BROX: variants seen among roughly 807,000 people sequenced by gnomAD.
BROX encodes the protein BRO1 domain and CAAX motif containing.
Under a neutral mutation model 61.0 loss-of-function variants are expected in BROX, and 53 were observed. The ratio of observed to expected loss-of-function variants is 0.87; its 90% CI spans 0.70 to 1.09. BROX has a LOEUF of 1.09. Among genes scored for constraint, BROX ranks in the 50% least tolerant of loss-of-function variants. The pLI, the probability that BROX is intolerant of heterozygous loss-of-function variation, is 0.00. For synonymous variants in BROX, 152 were observed against 160.2 expected, an observed-to-expected ratio of 0.95 and a Z score of 0.38; for missense variants, 489 against 472.0, an observed-to-expected ratio of 1.04 and a Z score of -0.33.
intron 8 of BROX, 36 bp from the exon 9 acceptor site, chr1:222,728,707 C>T (rs755744096): frequency 9.9e-6 from 14 of 1,409,270 alleles, no homozygotes; most frequent in African/African-American, 4.2e-5. Flanking sequence ...TGAATCAGGG[C>T]GAAATTATAT....
chr1:222,713,407 C>A (rs1392216482), intron 1 of BROX: 45 of 984,062 alleles, frequency 4.6e-5, no homozygotes, highest in Non-Finnish European at 5.3e-5. Flanking sequence ...AGCTCGGGGG[C>A]GGCGCTCAGG....
In BROX at chr1:222,722,729, G is replaced by A. The variant is rs187493346; in HGVS notation, c.401+215G>A. On this transcript the variant is annotated intron_variant, in intron 5 of 12. Coordinates refer to ENST00000340934, the MANE Select transcript of BROX (RefSeq NM_144695.4). ...TCATATGGAAGGTCTTGCTAAGTAAGACCCCAAATCAAGAACCCATAAAGT... is the reference window on the plus strand; with the variant it reads ...TCATATGGAAGGTCTTGCTAAGTAAAACCCCAAATCAAGAACCCATAAAGT... Among the ~76,000 whole-genome samples, 140 of 152,182 alleles carry A rather than the reference G, an allele frequency of 9.2e-4. 1 individual carries two copies. Among genetic ancestry groups the A allele is most frequent in the African/African-American group, 2.9e-3 (121 of 41,516 alleles).
chr1:222,714,629 G>A (rs1206111610), intron 1 of BROX, among the ~76,000 whole-genome samples: 1 of 147,452 alleles, frequency 6.8e-6, no homozygotes, highest in East Asian at 2.0e-4. Flanking sequence ...TTGCCCTGTC[G>A]CCCAGGCTGG....
At chr1:222,712,967 T>C in intron 1 of BROX, 25 bp downstream of exon 1, 1 of 1,181,138 alleles carries the variant, frequency 8.5e-7, no homozygotes, top group South Asian at 1.6e-5. Context: ...GGATGGGTGT[T>C]TCTCAGTAAT....
chr1:222,716,550 T>C (rs1015228929), intron 2 of BROX, among the ~76,000 whole-genome samples: 1 of 152,238 alleles, frequency 6.6e-6, no homozygotes, highest in Non-Finnish European at 1.5e-5. Flanking sequence ...AGATCAGGGG[T>C]TGGCGAACTG....
At chr1:222,731,221 T>C in intron 11 of BROX, 136 bp from the exon 12 acceptor site, 1 of 709,752 alleles carries the variant, frequency 1.4e-6, no homozygotes, top group East Asian at 3.3e-5. Flanking sequence ...TTCTTGACTT[T>C]TTCACTTTCC....
At chr1:222,713,480 C>T (rs970510067) in intron 1 of BROX, 137 of 967,550 alleles carry the variant, frequency 1.4e-4, no homozygotes, top group Non-Finnish European at 1.5e-4. Context: ...CGGGAGTCCT[C>T]TTGTGGAAGT....
chr1:222,729,508 G>A lies in BROX; in HGVS notation c.757-112G>A, dbSNP rs544627061. On this transcript the variant is annotated intron_variant, in intron 9 of 12. Coordinates refer to ENST00000340934, the MANE Select transcript of BROX (RefSeq NM_144695.4). ...GGGAAGAGCTAAAATGTAAGGGATTGCATTGATACTTCAGTGTATGAAGGT... is the reference window on the plus strand; with the variant it reads ...GGGAAGAGCTAAAATGTAAGGGATTACATTGATACTTCAGTGTATGAAGGT... The A allele has an allele frequency of 2.2e-5, 15 of 681,156 alleles. No homozygotes were observed. The South Asian group carries it at 2.3e-4, about 11-fold the overall frequency. The allele number at this position is 681,156 out of a possible 1,614,324, so 42.2% of individuals were successfully genotyped here. A position where few individuals can be genotyped will look rare whatever the true frequency, so the allele number is the denominator to read the frequency against.
At position 222,735,022 on chromosome 1, in the gene BROX, T is replaced by C. The variant is rs931078293; in HGVS notation, c.*2308T>C. The C allele has an allele frequency of 6.6e-6, 1 of 152,208 alleles. No homozygotes were observed. Among genetic ancestry groups the C allele is most frequent in the African/African-American group, 2.4e-5 (1 of 41,460 alleles). The allele number at this position is 152,208 out of a possible 1,614,324, so 9.4% of individuals were successfully genotyped here. A position where few individuals can be genotyped will look rare whatever the true frequency, so the allele number is the denominator to read the frequency against. On this transcript the variant is annotated 3_prime_UTR_variant, in exon 13 of 13. Transcript: ENST00000340934. ...TTGAAATGTTGGAAATTTTGGGGAATTATCAAATGTATAGAAGTTGCATGA... is the reference window on the plus strand; with the variant it reads ...TTGAAATGTTGGAAATTTTGGGGAACTATCAAATGTATAGAAGTTGCATGA...
intron 4 of BROX, among the ~76,000 whole-genome samples, chr1:222,720,196 CA>C (rs1656963880): frequency 6.6e-6 from 1 of 152,164 alleles, no homozygotes; most frequent in South Asian, 2.1e-4. Flanking sequence ...TTGTGAGAAG[CA>C]AAATAAGAAA....
At chr1:222,716,176 G>A (rs1052939481) in intron 2 of BROX, among the ~76,000 whole-genome samples, 11 of 152,040 alleles carry the variant, frequency 7.2e-5, no homozygotes, top group African/African-American at 2.7e-4. Context: ...TCGGCTTACT[G>A]CAACCTCCGC....
In BROX at chr1:222,730,169, T is replaced by C; in HGVS notation, c.981T>C (p.Asn327=). 2 of 1,601,626 alleles carry C rather than the reference T, an allele frequency of 1.2e-6. No homozygotes were observed. The highest frequency in any genetic ancestry group is 2.7e-5 in the African/African-American group (2 of 74,490). ...KNTLEKCQRE[N]GFIYFQKIPT... is the part of the protein sequence containing the mutation. ...CCCTAGAAAAATGTCAGAGAGAAAA[T>C]GGATTTATGTGAGTACAGTTTAATA... is the stretch of plus-strand genomic sequence containing the variant. The change falls in exon 11 of 13, where the codon AAT becomes AAC. Residue 327 remains asparagine (N), a synonymous_variant. Transcript: ENST00000340934.
At position 222,731,417 on chromosome 1, in the gene BROX, C is replaced by T. The variant is rs370602988; in HGVS notation, c.1050C>T (p.Leu350=). The change falls in exon 12 of 13, where the codon CTC becomes CTT. Residue 350 remains leucine (L), a synonymous_variant. Coordinates refer to ENST00000340934, the MANE Select transcript of BROX (RefSeq NM_144695.4). ...PQLELKANYG[L]VEPIPFEFPP... ...TGGAACTCAAAGCAAATTATGGTCT[C>T]GTAGAGCCTATACCTTTCGAATTTC... 1.9e-5 allele frequency: 31 copies of T among 1,593,566 alleles called. No individual in the cohort carries two copies. The highest frequency in any genetic ancestry group is 2.3e-5 in the East Asian group (1 of 44,372).
Position 222,715,724 on chromosome 1 carries a change from C to A in BROX, c.25C>A (p.Pro9Thr). 6.4e-7 allele frequency: 1 copy of A among 1,572,674 alleles called. No homozygotes were observed. The highest frequency in any genetic ancestry group is 8.6e-7 in the Non-Finnish European group (1 of 1,157,888). Residue 9 changes from proline to threonine, a missense_variant, in exon 2 of 13, where the codon CCA becomes ACA. Pro to Thr is a conservative substitution (Grantham distance 38). Transcript: ENST00000340934. ...AATGACCCATTGGTTTCATAGGAAC[C>A]CATTAAAAGCCACAGCTCCTGTGTC... is the stretch of plus-strand genomic sequence containing the variant. Reference protein sequence around the residue: MTHWFHRNPLKATAPVSFN... With the variant: MTHWFHRNTLKATAPVSFN...
intron 9 of BROX, 113 bp from the exon 10 acceptor site, chr1:222,729,507 T>A: frequency 1.5e-6 from 1 of 672,808 alleles, no homozygotes. Context: ...TGTAAGGGAT[T>A]GCATTGATAC....
At chr1:222,727,578 T>A (rs1290332332) in intron 8 of BROX, among the ~76,000 whole-genome samples, 2 of 152,166 alleles carry the variant, frequency 1.3e-5, no homozygotes, top group Non-Finnish European at 2.9e-5. Context: ...TGACCCATAA[T>A]TCAACTGCTA....
chr1:222,728,090 T>C (rs145725269), intron 8 of BROX, among the ~76,000 whole-genome samples: 328 of 152,304 alleles, frequency 2.2e-3, no homozygotes, highest in Non-Finnish European at 3.3e-3. Context: ...GGAATGTATC[T>C]ACATTAAAAG....
chr1:222,728,655 T>C (rs1657697168), intron 8 of BROX, 88 bp from the exon 9 acceptor site: 1 of 777,288 alleles, frequency 1.3e-6, no homozygotes, highest in Non-Finnish European at 2.0e-6. Context: ...TGGCATTCTT[T>C]CTGCTTTTAT....
intron 2 of BROX, among the ~76,000 whole-genome samples, chr1:222,716,749 T>C (rs932474726): frequency 5.2e-4 from 79 of 152,292 alleles, no homozygotes; most frequent in African/African-American, 1.8e-3. Flanking sequence ...TTTGGCACTT[T>C]CCAAAAAAAT....
Sources: allele counts gnomAD v4.1 joint callset (sites outside exome capture counted in the v4.1 genomes callset), GRCh38; gene constraint gnomAD v4.1.1; transcripts MANE v1.5; gene names NCBI Gene and HGNC (gene_info 2026-07-23, HGNC 2026-07-21).